Variants in SMIM36 observed in about 807,000 individuals in gnomAD.
The protein encoded by SMIM36 is small integral membrane protein 36.
At chr17:55,475,385 T>G (rs1432546075) in intron 3 of SMIM36, among the ~76,000 whole-genome samples, 1 of 152,190 alleles carries the variant, frequency 6.6e-6, no homozygotes, top group Non-Finnish European at 1.5e-5. Flanking sequence ...TACTCACTCT[T>G]ATTCTCATTC....
At chr17:55,520,849 C>A in the SMIM36 span, among the ~76,000 whole-genome samples, 4 of 152,118 alleles carry the variant, frequency 2.6e-5, no homozygotes, top group East Asian at 7.7e-4. Context: ...TTATCTTGAC[C>A]GGCAGGTGCT....
chr17:55,462,274 A>G (rs978567011), intron 4 of SMIM36, among the ~76,000 whole-genome samples: 2 of 152,232 alleles, frequency 1.3e-5, no homozygotes, highest in African/African-American at 4.8e-5. Context: ...TAAGTTAATT[A>G]ACCTCTGGCT....
intron 4 of SMIM36, among the ~76,000 whole-genome samples, chr17:55,455,061 T>C (rs1908992045): frequency 6.6e-6 from 1 of 152,336 alleles, no homozygotes; most frequent in Non-Finnish European, 1.5e-5. Context: ...CATTGCTCAG[T>C]CAAAAGCTAT....
At chr17:55,525,474 T>A in the SMIM36 span, among the ~76,000 whole-genome samples, 2 of 152,202 alleles carry the variant, frequency 1.3e-5, no homozygotes, top group Non-Finnish European at 2.9e-5. Flanking sequence ...ACAACTAATT[T>A]AGAATTAATA....
chr17:55,520,494 A>C, the SMIM36 span, among the ~76,000 whole-genome samples: 1 of 152,190 alleles, frequency 6.6e-6, no homozygotes, highest in Non-Finnish European at 1.5e-5. Flanking sequence ...GGCTAAGTAA[A>C]ATAAGGGCTA....
At chr17:55,464,825 C>A (rs1393330147) in intron 4 of SMIM36, among the ~76,000 whole-genome samples, 1 of 152,216 alleles carries the variant, frequency 6.6e-6, no homozygotes, top group African/African-American at 2.4e-5. Flanking sequence ...TCTTTTCCTT[C>A]CCTTTTCTTT....
At chr17:55,494,965 C>T (rs1241017474) in intron 1 of SMIM36, among the ~76,000 whole-genome samples, 1 of 152,132 alleles carries the variant, frequency 6.6e-6, no homozygotes, top group Non-Finnish European at 1.5e-5. Flanking sequence ...CTCAGGGTTA[C>T]AGTGAAAATT....
intron 4 of SMIM36, among the ~76,000 whole-genome samples, chr17:55,455,935 C>T (rs993426570): frequency 6.6e-6 from 1 of 151,524 alleles, no homozygotes; most frequent in Non-Finnish European, 1.5e-5. Flanking sequence ...CTGGCCAACA[C>T]GGTGAAACCC....
the SMIM36 span, among the ~76,000 whole-genome samples, chr17:55,522,331 C>T: frequency 1.2e-4 from 18 of 152,164 alleles, no homozygotes; most frequent in Non-Finnish European, 2.4e-4. Flanking sequence ...ATGACCATTC[C>T]TTATAAAAGA....
intron 1 of SMIM36, among the ~76,000 whole-genome samples, chr17:55,490,619 C>T (rs192853095): frequency 1.4e-3 from 212 of 152,256 alleles, no homozygotes; most frequent in Non-Finnish European, 2.4e-3. Flanking sequence ...AGGGGAAAAT[C>T]AGTCCATGCT....
chr17:55,486,825 G>A (rs1303324175), intron 1 of SMIM36, among the ~76,000 whole-genome samples: 1 of 152,194 alleles, frequency 6.6e-6, no homozygotes, highest in African/African-American at 2.4e-5. Context: ...ACTAAAATGA[G>A]AATAACTAAT....
the SMIM36 span, among the ~76,000 whole-genome samples, chr17:55,522,429 C>T: frequency 1.3e-5 from 2 of 152,220 alleles, no homozygotes; most frequent in African/African-American, 4.8e-5. Context: ...GTTTAATGGA[C>T]TCACAGTTCC....
chr17:55,531,027 TA>T, the SMIM36 span, among the ~76,000 whole-genome samples: 1 of 152,226 alleles, frequency 6.6e-6, no homozygotes, highest in African/African-American at 2.4e-5. Flanking sequence ...ACAAAAGTTG[TA>T]GATTTTGCGG....
At chr17:55,451,481 C>G (rs1389912529) in intron 4 of SMIM36, among the ~76,000 whole-genome samples, 2 of 152,188 alleles carry the variant, frequency 1.3e-5, no homozygotes, top group African/African-American at 4.8e-5. Flanking sequence ...ACATAGCTCC[C>G]CACAGAGGCT....
chr17:55,476,700 T>G (rs1322479186), intron 3 of SMIM36, among the ~76,000 whole-genome samples: 1 of 151,964 alleles, frequency 6.6e-6, no homozygotes, highest in Non-Finnish European at 1.5e-5. Flanking sequence ...CCTGACTAGG[T>G]GACTGCAGGC....
rs766838724 is a variant in SMIM36 at position 55,511,089 on chromosome 17, AT to A, written c.245del (p.Asp82ValfsTer5). 1 of 398,538 alleles carries A rather than the reference AT, an allele frequency of 2.5e-6. No homozygotes were observed. The highest frequency in any genetic ancestry group is 4.4e-5 in the Admixed American group (1 of 22,736). The allele number at this position is 398,538 out of a possible 1,614,324, so 24.7% of individuals were successfully genotyped here. A position where few individuals can be genotyped will look rare whatever the true frequency, so the allele number is the denominator to read the frequency against. Reference sequence around the variant, plus strand: ...TGCTTTTCTTTCCTAGTGGAGCAGGATCCCCCAAAGAAAGGCCAGGCCCCTT... The same window carrying A: ...TGCTTTTCTTTCCTAGTGGAGCAGGACCCCCAAAGAAAGGCCAGGCCCCTT... On this transcript the variant is annotated frameshift_variant, in exon 1 of 5. Transcript: ENST00000636752. LOFTEE classifies it high-confidence loss of function.
chr17:55,495,252 T>C (rs11079177), intron 1 of SMIM36, among the ~76,000 whole-genome samples: 47,320 of 152,070 alleles, frequency 0.31, 11,161 homozygotes, highest in African/African-American at 0.63. Flanking sequence ...ATGATGGAAA[T>C]GACCTTCAAC....
At chr17:55,507,873 G>A (rs2144722770) in intron 1 of SMIM36, among the ~76,000 whole-genome samples, 1 of 152,288 alleles carries the variant, frequency 6.6e-6, no homozygotes, top group East Asian at 1.9e-4. Flanking sequence ...GACATTTAAA[G>A]ATGATTCCTC....
At chr17:55,458,581 C>T (rs1368261885) in intron 4 of SMIM36, 2 of 138,590 alleles carry the variant, frequency 1.4e-5, no homozygotes, top group African/African-American at 5.2e-5. Context: ...CCCCCCGCCC[C>T]GTACCACACA....
Sources: gnomAD v4.1 joint callset for allele counts (sites outside exome capture counted in the v4.1 genomes callset) on GRCh38, gnomAD v4.1.1 for gene constraint, MANE v1.5 for transcripts, NCBI Gene and HGNC (gene_info 2026-07-23, HGNC 2026-07-21) for gene names.